Variants in ADAMTS19 observed in about 807,000 individuals in gnomAD.
ADAMTS19 encodes ADAM metallopeptidase with thrombospondin type 1 motif 19.
A neutral mutation model predicts 153.3 loss-of-function variants in ADAMTS19; 93 were observed. That is an observed-to-expected ratio of 0.61 (90% confidence interval 0.51 to 0.72). ADAMTS19 has a LOEUF of 0.72. Ranked by LOEUF, ADAMTS19 falls within the 30% of genes least tolerant of loss-of-function variation. The pLI is 0.00. For synonymous variants in ADAMTS19, 600 were observed against 556.6 expected, an observed-to-expected ratio of 1.08 and a Z score of -1.10; for missense variants, 1,482 against 1,552.1, an observed-to-expected ratio of 0.95 and a Z score of 0.76.
rs1404005212 is a variant in ADAMTS19, at chr5:129,596,560, T to C, written c.1374T>C (p.Gly458=). The C allele has an allele frequency of 6.3e-7, 1 of 1,582,890 alleles. No homozygotes were observed. Among genetic ancestry groups the C allele is most frequent in the Non-Finnish European group, 8.6e-7 (1 of 1,159,212 alleles). ...ATAATTAATGTTTGTATTTTTTAGG[T>C]ATAGCTTACTTGAGTGGAATGTGTA... The part of the protein sequence containing the change: ...VHKDEPCDTV[G]IAYLSGMCSE... The change falls in exon 8 of 23, where the codon GGT becomes GGC. Residue 458 remains glycine (G), a splice_region_variant and synonymous_variant. Transcript: ENST00000274487.
At chr5:129,691,951 C>CTA (rs1272932180) in intron 18 of ADAMTS19, among the ~76,000 whole-genome samples, 1 of 152,060 alleles carries the variant, frequency 6.6e-6, no homozygotes, top group Non-Finnish European at 1.5e-5. Flanking sequence ...TATTCTGTGA[C>CTA]TATATATATG....
Position 129,528,645 on chromosome 5 carries a change from G to T in ADAMTS19, c.1296G>T (p.Met432Ile). 1.2e-6 allele frequency: 2 copies of T among 1,600,294 alleles called. No homozygotes were observed. Among genetic ancestry groups the T allele is most frequent in the South Asian group, 2.3e-5 (2 of 88,652 alleles). Residue 432 changes from methionine (M) to isoleucine (I), a missense_variant, in exon 6 of 23, where the codon ATG becomes ATT. Coordinates refer to ENST00000274487, the MANE Select transcript of ADAMTS19 (RefSeq NM_133638.6). Reference protein sequence around the residue: ...LEMSTNWGEDMTSVDAAILIT... With the variant: ...LEMSTNWGEDITSVDAAILIT... ...TGTCAACAAACTGGGGGGAAGACAT[G>T]ACTTCAGTGGATGCAGCTATACTTA...
chr5:129,649,560 G>A (rs1404006039), intron 13 of ADAMTS19, among the ~76,000 whole-genome samples: 1 of 152,174 alleles, frequency 6.6e-6, no homozygotes, highest in Non-Finnish European at 1.5e-5. Flanking sequence ...AGGGATTAGG[G>A]ATGGTGGTGG....
At chr5:129,735,966 T>G (rs1051590912) in intron 22 of ADAMTS19, among the ~76,000 whole-genome samples, 7 of 152,008 alleles carry the variant, frequency 4.6e-5, no homozygotes, top group Non-Finnish European at 8.8e-5. Flanking sequence ...TGTAAGAAGA[T>G]AAATTATCAT....
chr5:129,586,120 A>G (rs1749782952), intron 7 of ADAMTS19, among the ~76,000 whole-genome samples: 1 of 152,072 alleles, frequency 6.6e-6, no homozygotes, highest in Admixed American at 6.6e-5. Context: ...CCCATTATCA[A>G]CATTCACCAC....
intron 21 of ADAMTS19, among the ~76,000 whole-genome samples, chr5:129,728,670 A>C (rs1274043454): frequency 1.3e-5 from 2 of 152,114 alleles, no homozygotes; most frequent in African/African-American, 4.8e-5. Context: ...GACTGGCTAA[A>C]AGTGGATGAA....
At chr5:129,713,118 G>A (rs73785260) in intron 21 of ADAMTS19, among the ~76,000 whole-genome samples, 128 of 152,286 alleles carry the variant, frequency 8.4e-4, no homozygotes, top group African/African-American at 3.0e-3. Context: ...ATGTGATGGA[G>A]TTACTTTTGA....
intron 2 of ADAMTS19, among the ~76,000 whole-genome samples, chr5:129,493,356 A>AT (rs1287803390): frequency 6.6e-6 from 1 of 151,932 alleles, no homozygotes; most frequent in African/African-American, 2.4e-5. Context: ...ACTTGTTTTT[A>AT]TTTTTTTGTG....
intron 8 of ADAMTS19, among the ~76,000 whole-genome samples, chr5:129,611,706 T>G (rs1030357684): frequency 5.9e-5 from 9 of 152,162 alleles, no homozygotes; most frequent in African/African-American, 1.9e-4. Context: ...GTAGTTTAGT[T>G]TGAAGTCAGG....
intron 3 of ADAMTS19, among the ~76,000 whole-genome samples, chr5:129,520,209 C>G (rs572597428): frequency 6.6e-6 from 1 of 152,166 alleles, no homozygotes; most frequent in East Asian, 1.9e-4. Flanking sequence ...TCTTCTTTTC[C>G]TTTAACCTTC....
intron 8 of ADAMTS19, among the ~76,000 whole-genome samples, chr5:129,602,209 C>A (rs1750685709): frequency 6.6e-6 from 1 of 152,228 alleles, no homozygotes; most frequent in Non-Finnish European, 1.5e-5. Context: ...TCTCCTGCCT[C>A]AGCCTCCCAA....
chr5:129,730,066 CTTAAAAGT>C lies in ADAMTS19; in HGVS notation c.3313-4863_3313-4856del, dbSNP rs1757371351. On this transcript the variant is annotated intron_variant, in intron 21 of 22. Transcript: ENST00000274487. ...ATTTTGTTCTATGTAATATTAATCC[CTTAAAAGT>C]TTTAGTTAAACTGTATTGCATTGTC... is the stretch of plus-strand genomic sequence containing the variant. Among the ~76,000 whole-genome samples, 3 of 152,012 alleles carry C rather than the reference CTTAAAAGT, an allele frequency of 2.0e-5. No individual in the cohort carries two copies. In the South Asian group the frequency reaches 6.2e-4, roughly 32 times the overall value.
chr5:129,698,562 A>G (rs1013213376), intron 19 of ADAMTS19, among the ~76,000 whole-genome samples: 1 of 152,226 alleles, frequency 6.6e-6, no homozygotes, highest in Non-Finnish European at 1.5e-5. Context: ...TTTCATTAGA[A>G]TACGTTTTAT....
chr5:129,668,099 C>T (rs1754133696), intron 16 of ADAMTS19, among the ~76,000 whole-genome samples: 1 of 152,186 alleles, frequency 6.6e-6, no homozygotes, highest in South Asian at 2.1e-4. Context: ...CATTCCCTGC[C>T]TTTTCCAACT....
intron 12 of ADAMTS19, 145 bp from the exon 13 acceptor site, chr5:129,648,653 T>C: frequency 2.0e-6 from 1 of 497,214 alleles, no homozygotes; most frequent in East Asian, 3.4e-5. Context: ...ATGAATTTGC[T>C]ACTACTATCA....
rs138670767 is a variant in ADAMTS19, at chr5:129,706,077, G to A, written c.3312+1686G>A. Among the ~76,000 whole-genome samples, 797 of 152,248 alleles carry A rather than the reference G, an allele frequency of 5.2e-3. 9 individuals are homozygous for A. The highest frequency in any genetic ancestry group is 0.018 in the African/African-American group (766 of 41,554). On this transcript the variant is annotated intron_variant, in intron 21 of 22. Coordinates refer to ENST00000274487, the MANE Select transcript of ADAMTS19 (RefSeq NM_133638.6). ...TCATTGAAGATATAGGATAGAATAA[G>A]GAAGAAGAAAAAGTACTAGCAGCAA...
chr5:129,563,101 C>T (rs934224260), intron 7 of ADAMTS19, among the ~76,000 whole-genome samples: 1 of 152,132 alleles, frequency 6.6e-6, no homozygotes, highest in Non-Finnish European at 1.5e-5. Flanking sequence ...CCTTTCCAAA[C>T]ATCAGTACAT....
intron 10 of ADAMTS19, among the ~76,000 whole-genome samples, chr5:129,640,786 AAC>A (rs572747404): frequency 6.6e-5 from 10 of 152,098 alleles, no homozygotes; most frequent in Non-Finnish European, 1.0e-4. Context: ...GATAGGTAGT[AAC>A]ACAGTCATCT....
chr5:129,552,666 A>T (rs534296296), intron 7 of ADAMTS19, among the ~76,000 whole-genome samples: 31 of 151,898 alleles, frequency 2.0e-4, no homozygotes, highest in Non-Finnish European at 1.8e-4. Flanking sequence ...CAGTATTTTA[A>T]CTTGACCATT....
Sources: gnomAD v4.1 joint callset for allele counts (sites outside exome capture counted in the v4.1 genomes callset) on GRCh38, gnomAD v4.1.1 for gene constraint, MANE v1.5 for transcripts, NCBI Gene and HGNC (gene_info 2026-07-23, HGNC 2026-07-21) for gene names.